Variants in PIEZO2 observed in about 807,000 individuals in gnomAD.
The protein encoded by PIEZO2 is piezo-type mechanosensitive ion channel component 2.
In PIEZO2, 172 loss-of-function variants were observed where a neutral mutation model predicts 337.3. That is an observed-to-expected ratio of 0.51 (90% CI 0.45 to 0.58). PIEZO2 has a LOEUF of 0.58. Among genes scored for constraint, PIEZO2 ranks in the 20% least tolerant of loss-of-function variants. The probability of loss-of-function intolerance (pLI) is 0.00; values close to 1 mark genes in which losing one functional copy is unlikely to be tolerated. For missense variants in PIEZO2, 3,028 were observed against 3,391.3 expected (o/e 0.89, Z 2.66); for synonymous variants, 1,251 against 1,228.5 (o/e 1.02, Z -0.38).
chr18:10,782,354 T>G lies in PIEZO2; in HGVS notation c.2493-1988A>C, dbSNP rs1451649821. 1.3e-3 allele frequency among the ~76,000 whole-genome samples: 75 copies of G among 55,798 alleles called. 1 individual carries two copies. The highest frequency in any genetic ancestry group is 7.6e-3 in the African/African-American group (61 of 8,014). The allele number at this position is 55,798 out of a possible 152,430, so 36.6% of individuals were successfully genotyped here. A position where few individuals can be genotyped will look rare whatever the true frequency, so the allele number is the denominator to read the frequency against. On this transcript the variant is annotated intron_variant, in intron 17 of 55. Coordinates refer to ENST00000674853, the MANE Select transcript of PIEZO2 (RefSeq NM_001378183.1). The stretch of plus-strand genomic sequence containing the variant: ...ATATATAAATAATTATAATATATTA[T>G]AATTATATATAAATAATTATAATAT...
At chr18:10,688,595 C>A (rs547659953) in intron 49 of PIEZO2, among the ~76,000 whole-genome samples, 1 of 152,268 alleles carries the variant, frequency 6.6e-6, no homozygotes, top group East Asian at 1.9e-4. Context: ...CATACGGGAG[C>A]TTTTGCCTAC....
intron 7 of PIEZO2, among the ~76,000 whole-genome samples, chr18:10,851,033 A>G (rs2041532886): frequency 6.6e-6 from 1 of 152,288 alleles, no homozygotes; most frequent in East Asian, 1.9e-4. Context: ...GAAGTGAGAC[A>G]GAAGGGCTGG....
intron 5 of PIEZO2, among the ~76,000 whole-genome samples, chr18:10,865,161 T>G (rs2041973171): frequency 6.6e-6 from 1 of 152,018 alleles, no homozygotes. Context: ...AAGCACAGGG[T>G]GAGGACATGA....
At chr18:10,719,441 G>C (rs1053578492) in intron 36 of PIEZO2, among the ~76,000 whole-genome samples, 11 of 152,166 alleles carry the variant, frequency 7.2e-5, no homozygotes, top group African/African-American at 2.7e-4. Flanking sequence ...ACTGATAAGT[G>C]AGAACATGAG....
chr18:10,782,240 T>TA lies in PIEZO2; in HGVS notation c.2493-1875dup, dbSNP rs1212482722. On this transcript the variant is annotated intron_variant, in intron 17 of 55. Coordinates refer to ENST00000674853, the MANE Select transcript of PIEZO2 (RefSeq NM_001378183.1). The stretch of plus-strand genomic sequence containing the variant: ...ATATATCATAATATATATGATTATA[T>TA]ATTATATGATATATTATATTATTAT... Among the ~76,000 whole-genome samples, 20 of 127,370 alleles carry TA rather than the reference T, an allele frequency of 1.6e-4. No individual in the cohort carries two copies. The East Asian group carries it at 3.3e-3, about 21-fold the overall frequency. The allele number at this position is 127,370 out of a possible 152,430, so 83.6% of individuals were successfully genotyped here.
intron 14 of PIEZO2, among the ~76,000 whole-genome samples, chr18:10,790,761 A>G (rs958015484): frequency 4.1e-5 from 6 of 146,098 alleles, no homozygotes; most frequent in East Asian, 2.0e-4. Flanking sequence ...GCTGGAGTGC[A>G]GCGGTGAGGT....
chr18:10,987,951 T>G (rs1488859224), intron 2 of PIEZO2, among the ~76,000 whole-genome samples: 3 of 152,140 alleles, frequency 2.0e-5, no homozygotes, highest in African/African-American at 7.2e-5. Flanking sequence ...TCGACATCAC[T>G]AATTATGAAG....
At position 11,047,212 on chromosome 18, in the gene PIEZO2, G is replaced by A. The variant is rs781361090; in HGVS notation, c.160+18915C>T. On this transcript the variant is annotated intron_variant, in intron 2 of 55. Coordinates refer to ENST00000674853, the MANE Select transcript of PIEZO2 (RefSeq NM_001378183.1). This position sits in a 1 kb window ranked among gnomAD's most constrained non-coding sequence, Gnocchi z 7.2. ...CCCACCACTGCTGCCCTTGCTCTCA[G>A]AGAATGGACGCAAACTTGTCCGAGC... Among the ~76,000 whole-genome samples the A allele has an allele frequency of 1.3e-5, 2 of 152,180 alleles. No individual in the cohort carries two copies. Among genetic ancestry groups the A allele is most frequent in the Non-Finnish European group, 2.9e-5 (2 of 68,034 alleles).
intron 5 of PIEZO2, among the ~76,000 whole-genome samples, chr18:10,866,238 G>C (rs1246357033): frequency 1.3e-5 from 2 of 151,140 alleles, no homozygotes; most frequent in Non-Finnish European, 2.9e-5. Flanking sequence ...TCAAGTCCAT[G>C]CTAGGCAATG....
rs376222759 is a variant in PIEZO2 at position 10,734,526 on chromosome 18, C to G, written c.4914+706G>C. On this transcript the variant is annotated intron_variant, in intron 35 of 55. Coordinates refer to ENST00000674853, the MANE Select transcript of PIEZO2 (RefSeq NM_001378183.1). ...ACAGAGCAAAGCATTTTAGTGGCTG[C>G]CCCTGACTGAGTTCAGGAGAAAGGG... is the stretch of plus-strand genomic sequence containing the variant. 6.6e-5 allele frequency among the ~76,000 whole-genome samples: 10 copies of G among 152,334 alleles called. No homozygotes were observed. In the East Asian group the frequency reaches 1.9e-3, roughly 29 times the overall value.
In PIEZO2 at chr18:10,716,170, C is replaced by T. The variant is rs535059575; in HGVS notation, c.5090-354G>A. 6.6e-6 allele frequency among the ~76,000 whole-genome samples: 1 copy of T among 152,286 alleles called. No individual in the cohort carries two copies. Among genetic ancestry groups the T allele is most frequent in the South Asian group, 2.1e-4 (1 of 4,820 alleles). ...GTAAAAGTTACTCCAAATGTGCCTG[C>T]CTCTTCTGTTTCCCCTTCCACCTTC... On this transcript the variant is annotated intron_variant, in intron 37 of 55. Transcript: ENST00000674853. This position sits in a 1 kb window ranked among gnomAD's most constrained non-coding sequence, Gnocchi z 4.1.
intron 27 of PIEZO2, among the ~76,000 whole-genome samples, chr18:10,756,641 G>A (rs1484168780): frequency 1.4e-5 from 2 of 144,518 alleles, no homozygotes; most frequent in Non-Finnish European, 3.0e-5. Context: ...GAGGAGGAGG[G>A]GTGGGGATGA....
At position 11,033,373 on chromosome 18, in the gene PIEZO2, T is replaced by C. The variant is rs1473444; in HGVS notation, c.160+32754A>G. On this transcript the variant is annotated intron_variant, in intron 2 of 55. Transcript: ENST00000674853. The surrounding 1 kb of genome is among the most constrained non-coding windows in gnomAD (Gnocchi z 4.2). ...GCAAGATCTCACTGGTGCAGGTTTCTCCTGCCCACCTAAGGCAGACACGCC... is the reference window on the plus strand; with the variant it reads ...GCAAGATCTCACTGGTGCAGGTTTCCCCTGCCCACCTAAGGCAGACACGCC... Among the ~76,000 whole-genome samples, 27,937 of 152,258 alleles carry C rather than the reference T, an allele frequency of 0.18. 2,713 individuals carry two copies. The highest frequency in any genetic ancestry group is 0.36 in the East Asian group (1,884 of 5,166).
chr18:10,803,906 T>C lies in PIEZO2; in HGVS notation c.1169A>G (p.Tyr390Cys). 6.5e-7 allele frequency: 1 copy of C among 1,537,340 alleles called. No homozygotes were observed. ...CTCATCAGTGGGGTAATGGGTTGCG[T>C]ACCACAGGCTCCGCCTCCTCCCCGC... ...ITAGRRRSLW[Y>C]ATHYPTDERK... The change falls in exon 9 of 56, where the codon TAC (tyrosine) becomes TGC (cysteine). Residue 390 changes from tyrosine (Y) to cysteine (C), a missense_variant. Around this residue, in one of 5 missense-constraint regions of PIEZO2, gnomAD observed 542 missense variants for 605.6 expected, o/e 0.89. Transcript: ENST00000674853.
intron 7 of PIEZO2, among the ~76,000 whole-genome samples, chr18:10,816,155 C>T (rs532350931): frequency 7.2e-5 from 11 of 152,296 alleles, no homozygotes; most frequent in East Asian, 3.9e-4. Context: ...CTTTCTCAAC[C>T]TCTGCCAGTC....
At chr18:10,734,923 CT>C (rs1225615826) in intron 35 of PIEZO2, among the ~76,000 whole-genome samples, 1 of 152,148 alleles carries the variant, frequency 6.6e-6, no homozygotes, top group African/African-American at 2.4e-5. Flanking sequence ...AGATGTGACC[CT>C]TTTAAAATGA....
intron 2 of PIEZO2, among the ~76,000 whole-genome samples, chr18:10,996,699 T>C (rs910671486): frequency 6.6e-6 from 1 of 152,234 alleles, no homozygotes; most frequent in Non-Finnish European, 1.5e-5. Flanking sequence ...TTCCATTGTA[T>C]GCAGGGAATT....
Position 11,099,764 on chromosome 18 carries a change from C to T in PIEZO2, c.65-33542G>A, listed in dbSNP as rs192669734. On this transcript the variant is annotated intron_variant, in intron 1 of 55. Transcript: ENST00000674853. This position sits in a 1 kb window ranked among gnomAD's most constrained non-coding sequence, Gnocchi z 5.4. The stretch of plus-strand genomic sequence containing the variant: ...GTGAGCCACTGTGCCCGTCCTATAT[C>T]TTTATTCTTAATGAGGTTGATTTTC... Among the ~76,000 whole-genome samples the T allele has an allele frequency of 3.2e-3, 482 of 152,262 alleles. 2 individuals carry two copies. The highest frequency in any genetic ancestry group is 7.1e-3 in the Admixed American group (108 of 15,292).
At chr18:10,675,184 T>C (rs2143419409) in intron 54 of PIEZO2, 25 bp downstream of exon 54, 1 of 1,472,304 alleles carries the variant, frequency 6.8e-7, no homozygotes, top group Non-Finnish European at 9.3e-7. Context: ...AAAACAATTC[T>C]GAAACAAATT....
Sources: gnomAD v4.1 joint callset for allele counts (sites outside exome capture counted in the v4.1 genomes callset) on GRCh38, gnomAD v4.1.1 for gene constraint, gnomAD v4.1.1 regional missense constraint, Gnocchi (gnomAD v3.1) non-coding constraint, MANE v1.5 for transcripts, NCBI Gene and HGNC (gene_info 2026-07-23, HGNC 2026-07-21) for gene names.